The following PITPNM3 variants were observed in gnomAD, a reference collection of about 807,000 sequenced individuals.
PITPNM3 encodes membrane-associated phosphatidylinositol transfer protein 3.
Under a neutral mutation model 102.0 loss-of-function variants are expected in PITPNM3, and 26 were observed. The observed-to-expected ratio is 0.25, with a 90% CI of 0.19 to 0.35. The LOEUF is 0.35. PITPNM3 is among the 10% of genes least tolerant of loss of function. The pLI, the probability that PITPNM3 is intolerant of heterozygous loss-of-function variation, is 1.00. For synonymous variants in PITPNM3, 578 were observed against 558.6 expected (o/e 1.03, Z -0.49); for missense variants, 1,083 against 1,346.1 (o/e 0.80, Z 3.06).
In PITPNM3 at chr17:6,471,236, T is replaced by C. The variant is rs1176614956; in HGVS notation, c.1549A>G (p.Arg517Gly). ...CTGTGGGAGCTCCCCTCGCTCATCCTCCGTCCTGGGCGCTGGAACCTCGAG... is the reference window on the plus strand; with the variant it reads ...CTGTGGGAGCTCCCCTCGCTCATCCCCCGTCCTGGGCGCTGGAACCTCGAG... Reference protein sequence around the residue: ...QASRFQRPGRRMSEGSSHSES... With the variant: ...QASRFQRPGRGMSEGSSHSES... The change falls in exon 12 of 20, where the codon AGG (arginine) becomes GGG (glycine). Residue 517 changes from arginine (R) to glycine (G), a missense_variant. Transcript: ENST00000262483. The C allele has an allele frequency of 1.2e-6, 2 of 1,613,356 alleles. No individual in the cohort carries two copies. Among genetic ancestry groups the C allele is most frequent in the Admixed American group, 1.7e-5 (1 of 60,000 alleles).
intron 4 of PITPNM3, among the ~76,000 whole-genome samples, chr17:6,501,916 C>T (rs1459477975): frequency 6.6e-6 from 1 of 152,192 alleles, no homozygotes; most frequent in East Asian, 1.9e-4. Context: ...TCCACATGCT[C>T]AGTCACCTCT....
chr17:6,495,310 C>G (rs928641047), intron 4 of PITPNM3, among the ~76,000 whole-genome samples: 2 of 152,072 alleles, frequency 1.3e-5, no homozygotes, highest in Non-Finnish European at 2.9e-5. Flanking sequence ...TTTATATCTT[C>G]TCCCAGCTCT....
chr17:6,556,071 C>T lies in PITPNM3; in HGVS notation c.22+314G>A, dbSNP rs763401694. ...TTCGGTGGCGAAGCCCGGGTCTGCC[C>T]GGGGCCTCCGCGGGGTGCAGAGGGC... On this transcript the variant is annotated intron_variant, in intron 1 of 19. Transcript: ENST00000262483. This position sits in a 1 kb window ranked among gnomAD's most constrained non-coding sequence, Gnocchi z 5.2. Among the ~76,000 whole-genome samples the T allele has an allele frequency of 2.0e-5, 3 of 152,078 alleles. No homozygotes were observed. Among genetic ancestry groups the T allele is most frequent in the Non-Finnish European group, 4.4e-5 (3 of 67,974 alleles).
intron 2 of PITPNM3, among the ~76,000 whole-genome samples, chr17:6,531,595 G>A (rs1164887865): frequency 6.6e-6 from 1 of 152,240 alleles, no homozygotes; most frequent in African/African-American, 2.4e-5. Flanking sequence ...TCTGAGTTCT[G>A]CATCTCTGGC....
chr17:6,533,742 C>G (rs1909265506), intron 2 of PITPNM3, among the ~76,000 whole-genome samples: 1 of 152,120 alleles, frequency 6.6e-6, no homozygotes. Context: ...GCCACTGTGC[C>G]CAGCCTATGG....
intron 1 of PITPNM3, among the ~76,000 whole-genome samples, chr17:6,547,397 C>T (rs1037580393): frequency 5.3e-5 from 8 of 152,196 alleles, no homozygotes; most frequent in African/African-American, 1.7e-4. Flanking sequence ...ATTAGGCTCC[C>T]AACAGTTCTG....
intron 1 of PITPNM3, among the ~76,000 whole-genome samples, chr17:6,549,617 G>A (rs1182656667): frequency 3.9e-5 from 6 of 152,210 alleles, no homozygotes; most frequent in South Asian, 2.1e-4. Flanking sequence ...ATTTACCTCC[G>A]GAGTGACTCA....
At position 6,457,030 on chromosome 17, in the gene PITPNM3, C is replaced by A. The variant is rs1232296102; in HGVS notation, c.2619+564G>T. Among the ~76,000 whole-genome samples, 2 of 152,162 alleles carry A rather than the reference C, an allele frequency of 1.3e-5. No homozygotes were observed. Among genetic ancestry groups the A allele is most frequent in the Non-Finnish European group, 2.9e-5 (2 of 68,022 alleles). Reference sequence around the variant, plus strand: ...TGCTCATCCCACACCCTCTCAGAGTCCCCACACAGGCCATCTTGGCCGCAC... The same window carrying A: ...TGCTCATCCCACACCCTCTCAGAGTACCCACACAGGCCATCTTGGCCGCAC... On this transcript the variant is annotated intron_variant, in intron 19 of 19. Transcript: ENST00000262483. The surrounding 1 kb of genome is among the most constrained non-coding windows in gnomAD (Gnocchi z 4.7).
rs1036366601 is a variant in PITPNM3 at position 6,528,982 on chromosome 17, C to T, written c.119-3519G>A. ...GCCACAGCGTGCTCATTTGTATAAA[C>T]GCCCTGGTTGATTTTGCTTTTCACC... is the stretch of plus-strand genomic sequence containing the variant. On this transcript the variant is annotated intron_variant, in intron 2 of 19. Transcript: ENST00000262483. Among the ~76,000 whole-genome samples, 7 of 152,136 alleles carry T rather than the reference C, an allele frequency of 4.6e-5. No individual in the cohort carries two copies. The East Asian group carries it at 7.7e-4, about 17-fold the overall frequency.
chr17:6,485,168 T>C (rs1408067485), intron 4 of PITPNM3, among the ~76,000 whole-genome samples: 1 of 151,456 alleles, frequency 6.6e-6, no homozygotes, highest in African/African-American at 2.4e-5. Context: ...TTTCTTTTTT[T>C]TTTTTTTTTG....
Position 6,536,063 on chromosome 17 carries a change from C to CA in PITPNM3, c.118+1923dup, listed in dbSNP as rs576899293. Among the ~76,000 whole-genome samples, 128 of 74,858 alleles carry CA rather than the reference C, an allele frequency of 1.7e-3. 1 individual carries two copies. The South Asian group carries it at 0.026, about 15-fold the overall frequency. 49.1% of individuals were successfully genotyped at this position (74,858 alleles called of 152,430 possible). A position where few individuals can be genotyped will look rare whatever the true frequency, so the allele number is the denominator to read the frequency against. On this transcript the variant is annotated intron_variant, in intron 2 of 19. Transcript: ENST00000262483. ...TGGGCTACAAAGCGAGACTCCATCT[C>CA]AAAAAAAAAAGGAAAAAAAAAGAAA... is the stretch of plus-strand genomic sequence containing the variant.
Position 6,472,128 on chromosome 17 carries a change from C to G in PITPNM3, c.1429+529G>C, listed in dbSNP as rs897787537. On this transcript the variant is annotated intron_variant, in intron 11 of 19. Transcript: ENST00000262483. This position sits in a 1 kb window ranked among gnomAD's most constrained non-coding sequence, Gnocchi z 4.1. ...ACACTCGGTCCATGCCCGGTTCACCCCACTTGACCCTGGAGGCCACTGGCT... is the reference window on the plus strand; with the variant it reads ...ACACTCGGTCCATGCCCGGTTCACCGCACTTGACCCTGGAGGCCACTGGCT... 3.3e-5 allele frequency among the ~76,000 whole-genome samples: 5 copies of G among 152,334 alleles called. No individual in the cohort carries two copies. The highest frequency in any genetic ancestry group is 6.5e-5 in the Admixed American group (1 of 15,304).
intron 4 of PITPNM3, among the ~76,000 whole-genome samples, chr17:6,484,771 G>A (rs564336976): frequency 1.3e-5 from 2 of 152,222 alleles, no homozygotes; most frequent in African/African-American, 2.4e-5. Flanking sequence ...GGGTCTACCT[G>A]TGAGGTGTTT....
chr17:6,459,035 C>G lies in PITPNM3; in HGVS notation c.2491-1313G>C, dbSNP rs1232359154. ...AATGGTTGGTTTATTCCCAACTGGC[C>G]TTTGGCTCAGAGGATGGAGCAGCCC... On this transcript the variant is annotated intron_variant, in intron 18 of 19. Coordinates refer to ENST00000262483, the MANE Select transcript of PITPNM3 (RefSeq NM_031220.4). The surrounding 1 kb of genome is among the most constrained non-coding windows in gnomAD (Gnocchi z 5.0). 2.0e-5 allele frequency among the ~76,000 whole-genome samples: 3 copies of G among 152,172 alleles called. No individual in the cohort carries two copies. Among genetic ancestry groups the G allele is most frequent in the African/African-American group, 7.2e-5 (3 of 41,422 alleles).
Position 6,457,461 on chromosome 17 carries a change from G to A in PITPNM3, c.2619+133C>T, listed in dbSNP as rs1914161658. On this transcript the variant is annotated intron_variant, in intron 19 of 19. Coordinates refer to ENST00000262483, the MANE Select transcript of PITPNM3 (RefSeq NM_031220.4). This position sits in a 1 kb window ranked among gnomAD's most constrained non-coding sequence, Gnocchi z 4.7. Reference sequence around the variant, plus strand: ...TGGCCCAAGGCAGGCACCCCGAAGTGTTTGTTGAATAAATGAATGAGCAAA... The same window carrying A: ...TGGCCCAAGGCAGGCACCCCGAAGTATTTGTTGAATAAATGAATGAGCAAA... The A allele has an allele frequency of 6.9e-7, 1 of 1,448,790 alleles. No homozygotes were observed. The highest frequency in any genetic ancestry group is 9.4e-7 in the Non-Finnish European group (1 of 1,068,194). 89.7% of individuals were successfully genotyped at this position (1,448,790 alleles called of 1,614,324 possible). A position where few individuals can be genotyped will look rare whatever the true frequency, so the allele number is the denominator to read the frequency against.
Position 6,468,768 on chromosome 17 carries a change from C to G in PITPNM3, c.1774-427G>C, listed in dbSNP as rs1904912493. On this transcript the variant is annotated intron_variant, in intron 13 of 19. Coordinates refer to ENST00000262483, the MANE Select transcript of PITPNM3 (RefSeq NM_031220.4). This position sits in a 1 kb window ranked among gnomAD's most constrained non-coding sequence, Gnocchi z 5.2. ...ATTAGACTCCCTCCGCTAGATCACT[C>G]TCCTTAGCATTCAAATACGTGTAAT... Among the ~76,000 whole-genome samples, 1 of 152,170 alleles carries G rather than the reference C, an allele frequency of 6.6e-6. No homozygotes were observed. Among genetic ancestry groups the G allele is most frequent in the Admixed American group, 6.5e-5 (1 of 15,278 alleles).
intron 10 of PITPNM3, among the ~76,000 whole-genome samples, chr17:6,473,918 A>C (rs1191935040): frequency 6.8e-6 from 1 of 146,764 alleles, no homozygotes; most frequent in Non-Finnish European, 1.5e-5. Flanking sequence ...CAGAGGTTGC[A>C]GTGAGCTGAG....
In PITPNM3 at chr17:6,474,428, C is replaced by A; in HGVS notation, c.1258+4G>T. 6.2e-7 allele frequency: 1 copy of A among 1,613,078 alleles called. No homozygotes were observed. The highest frequency in any genetic ancestry group is 8.5e-7 in the Non-Finnish European group (1 of 1,179,836). ...CCTCAGGCCCCAGCCCACACCATCC[C>A]TACCGTCCAGCCCAGGCAGCACCGT... On this transcript the variant is annotated splice_donor_region_variant and intron_variant, in intron 10 of 19. Coordinates refer to ENST00000262483, the MANE Select transcript of PITPNM3 (RefSeq NM_031220.4).
rs1447242289 is a variant in PITPNM3 at position 6,471,196 on chromosome 17, G to T, written c.1589C>A (p.Ser530Tyr). Reference sequence around the variant, plus strand: ...ACCCACGGGTGCCATGCTGTCCGAGGACTCCGAGCTCTCGCTGTGGGAGCT... The same window carrying T: ...ACCCACGGGTGCCATGCTGTCCGAGTACTCCGAGCTCTCGCTGTGGGAGCT... Reference protein sequence around the residue: ...EGSSHSESSESSDSMAPVGAS... With the variant: ...EGSSHSESSEYSDSMAPVGAS... The change falls in exon 12 of 20, where the codon TCC becomes TAC. Residue 530 changes from serine (S) to tyrosine (Y), a missense_variant. Physicochemically the swap from Ser to Tyr is moderately radical, Grantham distance 144 (BLOSUM62 -2). Coordinates refer to ENST00000262483, the MANE Select transcript of PITPNM3 (RefSeq NM_031220.4). The T allele has an allele frequency of 1.9e-6, 3 of 1,613,008 alleles. No homozygotes were observed. The African/African-American group carries it at 4.0e-5, about 22-fold the overall frequency.
Sources: allele counts gnomAD v4.1 joint callset (sites outside exome capture counted in the v4.1 genomes callset), GRCh38; gene constraint gnomAD v4.1.1; non-coding constraint Gnocchi (gnomAD v3.1); transcripts MANE v1.5; gene names NCBI Gene and HGNC (gene_info 2026-07-23, HGNC 2026-07-21).